Variants in UGT2B4 observed in about 807,000 individuals in gnomAD.
UGT2B4 encodes the protein UDP-glucuronosyltransferase 2B4.
In UGT2B4, 49 loss-of-function variants were observed where a neutral mutation model predicts 49.8. The ratio of observed to expected loss-of-function variants is 0.98; its 90% CI spans 0.78 to 1.25. The LOEUF (loss-of-function observed/expected upper bound fraction) is 1.25, where lower values mean the gene tolerates loss of function less well. Ranked by LOEUF, UGT2B4 falls within the 50% of genes most tolerant of loss-of-function variation. The pLI, the probability that UGT2B4 is intolerant of heterozygous loss-of-function variation, is 0.00. For missense variants in UGT2B4, 729 were observed against 627.7 expected (o/e 1.16, Z -1.73); for synonymous variants, 246 against 217.7 (o/e 1.13, Z -1.14).
At chr4:69,510,721 G>A in intron 1 of UGT2B4, among the ~76,000 whole-genome samples, 1 of 151,788 alleles carries the variant, frequency 6.6e-6, no homozygotes, top group East Asian at 1.9e-4. Context: ...AGTATTTTGG[G>A]GAGTACTTAG....
intron 3 of UGT2B4, 72 bp downstream of exon 3, chr4:69,489,367 C>CA: frequency 6.3e-7 from 1 of 1,579,332 alleles, no homozygotes; most frequent in Non-Finnish European, 8.6e-7. Context: ...GAAGTTTCTA[C>CA]AATTGGGTTC....
At chr4:69,503,596 T>TGCTAAA (rs1439649579) in intron 1 of UGT2B4, among the ~76,000 whole-genome samples, 2 of 152,170 alleles carry the variant, frequency 1.3e-5, no homozygotes, top group African/African-American at 4.8e-5. Context: ...CCCACCCTTG[T>TGCTAAA]GCTAAAGCTG....
chr4:69,497,077 A>G (rs1728188562), upstream of UGT2B4, among the ~76,000 whole-genome samples: 1 of 152,190 alleles, frequency 6.6e-6, no homozygotes, highest in African/African-American at 2.4e-5. Context: ...CATTGTTACA[A>G]GATTAAAGTT....
chr4:69,517,288 A>G (rs1175655006), intron 1 of UGT2B4, among the ~76,000 whole-genome samples: 2 of 152,178 alleles, frequency 1.3e-5, no homozygotes. Context: ...ACCAGCAATA[A>G]TAAAACTATC....
At position 69,495,560 on chromosome 4, in the gene UGT2B4, G is replaced by T; in HGVS notation, c.302C>A (p.Pro101Gln). The change falls in exon 1 of 6, where the codon CCA (proline) becomes CAA (glutamine). Residue 101 changes from proline (P) to glutamine (Q), a missense_variant. Transcript: ENST00000305107. ...KQLVKRWAEL[P>Q]KDTFWSYFSQ... Reference sequence around the variant, plus strand: ...AAAATATGACCAAAATGTGTCTTTTGGAAGTTCTGCCCATCTCTTAACCAG... The same window carrying T: ...AAAATATGACCAAAATGTGTCTTTTTGAAGTTCTGCCCATCTCTTAACCAG... 6.2e-7 allele frequency: 1 copy of T among 1,613,674 alleles called. No individual in the cohort carries two copies. The highest frequency in any genetic ancestry group is 1.1e-5 in the South Asian group (1 of 91,058).
chr4:69,513,086 A>G (rs1728648379), intron 1 of UGT2B4, among the ~76,000 whole-genome samples: 1 of 152,184 alleles, frequency 6.6e-6, no homozygotes, highest in African/African-American at 2.4e-5. Context: ...TATTTAGTTT[A>G]ATCAGATTCC....
Position 69,495,160 on chromosome 4 carries a change from C to A in UGT2B4, c.702G>T (p.Gln234His). The stretch of plus-strand genomic sequence containing the variant: ...ACTTACCTAGAACTTCACTGTAGAA[C>A]TGATCCCACTTCTTCATGTCAAATA... Reference protein sequence around the residue: ...FQIFDMKKWDQFYSEVLGRPT... With the variant: ...FQIFDMKKWDHFYSEVLGRPT... The change falls in exon 1 of 6, where the codon CAG becomes CAT. Residue 234 changes from glutamine to histidine, a missense_variant. By Grantham distance (24) the Gln-to-His change is conservative (BLOSUM62 0). Coordinates refer to ENST00000305107, the MANE Select transcript of UGT2B4 (RefSeq NM_021139.3). The A allele has an allele frequency of 6.4e-7, 1 of 1,565,704 alleles. No individual in the cohort carries two copies. The highest frequency in any genetic ancestry group is 8.6e-7 in the Non-Finnish European group (1 of 1,160,774).
At chr4:69,495,045 T>C in intron 1 of UGT2B4, 96 bp downstream of exon 1, 1 of 1,120,526 alleles carries the variant, frequency 8.9e-7, no homozygotes, top group Non-Finnish European at 1.2e-6. Flanking sequence ...ATTACAAAAA[T>C]ACCCCACTAC....
intron 2 of UGT2B4, among the ~76,000 whole-genome samples, chr4:69,492,833 T>C (rs1728030906): frequency 6.6e-6 from 1 of 152,092 alleles, no homozygotes; most frequent in African/African-American, 2.4e-5. Flanking sequence ...AGTCCATTTT[T>C]CCATCATCTG....
At chr4:69,511,647 TTGTC>T (rs1425631762) in intron 1 of UGT2B4, among the ~76,000 whole-genome samples, 2 of 152,144 alleles carry the variant, frequency 1.3e-5, no homozygotes, top group African/African-American at 2.4e-5. Flanking sequence ...TGTCGCGTGT[TTGTC>T]TGGGTTTGTT....
At chr4:69,480,950 T>C in intron 5 of UGT2B4, 40 bp from the exon 6 acceptor site, 1 of 1,600,784 alleles carries the variant, frequency 6.2e-7, no homozygotes, top group South Asian at 1.1e-5. Flanking sequence ...TGAAAGTAAG[T>C]TAATTTGGCC....
chr4:69,516,983 G>C (rs1728750249), intron 1 of UGT2B4, among the ~76,000 whole-genome samples: 1 of 150,750 alleles, frequency 6.6e-6, no homozygotes, highest in African/African-American at 2.4e-5. Context: ...TGTTTTTCTT[G>C]AAAATTGCTT....
chr4:69,500,235 G>A (rs1294969124), upstream of UGT2B4, among the ~76,000 whole-genome samples: 1 of 152,010 alleles, frequency 6.6e-6, no homozygotes, highest in Non-Finnish European at 1.5e-5. Flanking sequence ...ACACACACTG[G>A]GGCCTGTTGG....
chr4:69,486,744 T>A, intron 3 of UGT2B4, 48 bp from the exon 4 acceptor site: 1 of 1,397,892 alleles, frequency 7.2e-7, no homozygotes. Flanking sequence ...AACTCAAAAG[T>A]CATAGAATGT....
At chr4:69,525,596 T>C (rs1323981815) in intron 1 of UGT2B4, 3 of 702,734 alleles carry the variant, frequency 4.3e-6, no homozygotes, top group Non-Finnish European at 5.5e-6. Context: ...AGTTTCAAGA[T>C]ATGGGTTAGA....
Position 69,485,208 on chromosome 4 carries a change from A to C in UGT2B4, c.1310T>G (p.Leu437Ter). ...NALKTVINDP[L>*]YKENAMKLSR... ...CGAGTAAAAAAAAAGTTATACTCACAAAGGATCATTAATTACTGTCTTCAG... is the reference window on the plus strand; with the variant it reads ...CGAGTAAAAAAAAAGTTATACTCACCAAGGATCATTAATTACTGTCTTCAG... Residue 437 changes from leucine to a stop codon, truncating the protein, a stop_gained and splice_region_variant, in exon 5 of 6, where the codon TTA becomes TGA. Transcript: ENST00000305107. LOFTEE classifies it high-confidence loss of function. The C allele has an allele frequency of 6.2e-7, 1 of 1,613,970 alleles. No homozygotes were observed. Among genetic ancestry groups the C allele is most frequent in the Non-Finnish European group, 8.5e-7 (1 of 1,179,916 alleles).
chr4:69,512,820 A>G (rs1362300452), intron 1 of UGT2B4, among the ~76,000 whole-genome samples: 3 of 151,918 alleles, frequency 2.0e-5, no homozygotes, highest in Non-Finnish European at 4.4e-5. Flanking sequence ...TTTAATTTGT[A>G]TTTCTTTAAC....
chr4:69,485,008 TA>T (rs1464103924), intron 5 of UGT2B4, among the ~76,000 whole-genome samples, 199 bp downstream of exon 5: 2 of 152,204 alleles, frequency 1.3e-5, no homozygotes, highest in Non-Finnish European at 2.9e-5. Context: ...ATTATTTCAA[TA>T]ATTGATTATT....
intron 1 of UGT2B4, among the ~76,000 whole-genome samples, chr4:69,512,280 A>G (rs1444344789): frequency 6.6e-6 from 1 of 151,970 alleles, no homozygotes; most frequent in Non-Finnish European, 1.5e-5. Flanking sequence ...AGTTGTGACT[A>G]CTATAAACTT....
Sources: allele counts gnomAD v4.1 joint callset (sites outside exome capture counted in the v4.1 genomes callset), GRCh38; gene constraint gnomAD v4.1.1; transcripts MANE v1.5; gene names NCBI Gene and HGNC (gene_info 2026-07-23, HGNC 2026-07-21).